Variants in SCARB1 observed in about 807,000 individuals in gnomAD.
SCARB1 encodes the protein scavenger receptor class B member 1.
SCARB1 carries 30 observed loss-of-function variants against 57.2 expected under a neutral mutation model. That is an observed-to-expected ratio of 0.52 (90% CI 0.39 to 0.71). The LOEUF is 0.71. SCARB1 is among the 30% of genes least tolerant of loss of function. The pLI is 0.00. For missense variants in SCARB1, 543 were observed against 671.2 expected (o/e 0.81, Z 2.11); for synonymous variants, 249 against 268.3 (o/e 0.93, Z 0.70).
chr12:124,822,887 GA>G lies in SCARB1; in HGVS notation c.127-5181del, dbSNP rs1428779760. Reference sequence around the variant, plus strand: ...TGGGCCACAAAGCAAGACCCTGTCTGAAAAAAACAACAGCAACACCACCACC... The same window carrying G: ...TGGGCCACAAAGCAAGACCCTGTCTGAAAAAACAACAGCAACACCACCACC... On this transcript the variant is annotated intron_variant, in intron 1 of 12. Coordinates refer to ENST00000261693, the MANE Select transcript of SCARB1 (RefSeq NM_005505.5). This position sits in a 1 kb window ranked among gnomAD's most constrained non-coding sequence, Gnocchi z 5.0. 6.6e-6 allele frequency among the ~76,000 whole-genome samples: 1 copy of G among 151,752 alleles called. No homozygotes were observed. Among genetic ancestry groups the G allele is most frequent in the Non-Finnish European group, 1.5e-5 (1 of 67,968 alleles).
chr12:124,793,726 G>A lies in SCARB1; in HGVS notation c.1202+1469C>T, dbSNP rs547762979. 3.6e-4 allele frequency among the ~76,000 whole-genome samples: 55 copies of A among 151,964 alleles called. No homozygotes were observed. In the South Asian group the frequency reaches 8.5e-3, roughly 24 times the overall value. The stretch of plus-strand genomic sequence containing the variant: ...AAAAAAAAAAAAAAGAATGGGGATG[G>A]GGGGCAGAGGCTGTGCAAGTCTGAC... On this transcript the variant is annotated intron_variant, in intron 9 of 12. Transcript: ENST00000261693.
intron 1 of SCARB1, among the ~76,000 whole-genome samples, chr12:124,856,053 C>A (rs768026619): frequency 6.6e-6 from 1 of 152,210 alleles, no homozygotes; most frequent in Admixed American, 6.5e-5. Context: ...CATCTCCCGG[C>A]GGAGGCACAG....
Position 124,810,665 on chromosome 12 carries a change from A to G in SCARB1, c.727-376T>C, listed in dbSNP as rs1271041669. Among the ~76,000 whole-genome samples, 4 of 152,212 alleles carry G rather than the reference A, an allele frequency of 2.6e-5. No homozygotes were observed. The highest frequency in any genetic ancestry group is 2.0e-4 in the Admixed American group (3 of 15,280). ...CACCTCCTGAAAACAATCGGCACAC[A>G]GGCAAACTACTTAAAATCATAATGG... On this transcript the variant is annotated intron_variant, in intron 5 of 12. Transcript: ENST00000261693. This position sits in a 1 kb window ranked among gnomAD's most constrained non-coding sequence, Gnocchi z 4.0.
At position 124,810,130 on chromosome 12, in the gene SCARB1, G is replaced by T; in HGVS notation, c.842+44C>A. 2 of 1,344,622 alleles carry T rather than the reference G, an allele frequency of 1.5e-6. No homozygotes were observed. Among genetic ancestry groups the T allele is most frequent in the South Asian group, 1.2e-5 (1 of 85,204 alleles). 83.3% of individuals were successfully genotyped at this position (1,344,622 alleles called of 1,614,324 possible). ...AGCCAACACCACAGAATTTGGCCAT[G>T]AGCTACCCAGGAAACCCAGGAGGCC... is the stretch of plus-strand genomic sequence containing the variant. On this transcript the variant is annotated intron_variant, in intron 6 of 12. Transcript: ENST00000261693. The surrounding 1 kb of genome is among the most constrained non-coding windows in gnomAD (Gnocchi z 4.0).
chr12:124,850,592 C>T (rs756761406), intron 1 of SCARB1, among the ~76,000 whole-genome samples: 1 of 152,120 alleles, frequency 6.6e-6, no homozygotes, highest in Non-Finnish European at 1.5e-5. Flanking sequence ...ATCGCTTGAA[C>T]CTGGGAGGCA....
At chr12:124,830,366 C>T (rs1293408416) in intron 1 of SCARB1, among the ~76,000 whole-genome samples, 1 of 152,172 alleles carries the variant, frequency 6.6e-6, no homozygotes, top group African/African-American at 2.4e-5. Context: ...AGCATGCACC[C>T]ACACAAAGAT....
chr12:124,787,472 G>A lies in SCARB1; in HGVS notation c.1203-15C>T. 1 of 1,612,000 alleles carries A rather than the reference G, an allele frequency of 6.2e-7. No individual in the cohort carries two copies. The highest frequency in any genetic ancestry group is 8.5e-7 in the Non-Finnish European group (1 of 1,178,886). ...TCCCAGTTTGTCTGGAAATAAGCAA[G>A]ACATAGCTGTGTGAAACAAAGTCTT... On this transcript the variant is annotated splice_polypyrimidine_tract_variant and intron_variant, in intron 9 of 12. Transcript: ENST00000261693.
chr12:124,863,759 CCG>C lies in SCARB1; in HGVS notation c.-41_-40del. ...GGGCCCACCCGCGGCTCGCAGGGCT[CCG>C]CGCCTGGCAGGAGACGGGGACGGCG... On this transcript the variant is annotated 5_prime_UTR_variant, in exon 1 of 13. Transcript: ENST00000261693. The C allele has an allele frequency of 7.1e-7, 1 of 1,408,742 alleles. No homozygotes were observed. Among genetic ancestry groups the C allele is most frequent in the Admixed American group, 3.3e-5 (1 of 30,312 alleles). 87.3% of individuals were successfully genotyped at this position (1,408,742 alleles called of 1,614,324 possible).
In SCARB1 at chr12:124,789,959, G is replaced by A. The variant is rs545528643; in HGVS notation, c.1203-2502C>T. On this transcript the variant is annotated intron_variant, in intron 9 of 12. Transcript: ENST00000261693. This position sits in a 1 kb window ranked among gnomAD's most constrained non-coding sequence, Gnocchi z 4.4. Reference sequence around the variant, plus strand: ...CAGGGAGTCAGAGGTTGCAGTGAGCGGAGATCATGCCATTGCACTCCAGCC... The same window carrying A: ...CAGGGAGTCAGAGGTTGCAGTGAGCAGAGATCATGCCATTGCACTCCAGCC... Among the ~76,000 whole-genome samples the A allele has an allele frequency of 6.6e-4, 96 of 146,256 alleles. No individual in the cohort carries two copies. The highest frequency in any genetic ancestry group is 2.5e-3 in the African/African-American group (94 of 38,020).
At chr12:124,791,333 C>T (rs1356431911) in intron 9 of SCARB1, among the ~76,000 whole-genome samples, 1 of 152,170 alleles carries the variant, frequency 6.6e-6, no homozygotes, top group Non-Finnish European at 1.5e-5. Context: ...CTGCGGTGGC[C>T]TTGGGACCCC....
intron 1 of SCARB1, 90 bp downstream of exon 1, chr12:124,863,504 GC>G: frequency 7.1e-7 from 1 of 1,408,782 alleles, no homozygotes; most frequent in Non-Finnish European, 9.7e-7. Context: ...CGCTGCGGTC[GC>G]CCACCCACCG....
intron 1 of SCARB1, among the ~76,000 whole-genome samples, chr12:124,851,630 G>A (rs1449211846): frequency 1.5e-5 from 2 of 129,234 alleles, no homozygotes; most frequent in Non-Finnish European, 3.2e-5. Context: ...TTTTTTTTGA[G>A]ATGGAGTCTC....
chr12:124,856,800 G>C (rs566380306), intron 1 of SCARB1, among the ~76,000 whole-genome samples: 2 of 152,220 alleles, frequency 1.3e-5, no homozygotes, highest in Non-Finnish European at 2.9e-5. Context: ...CTGCAGGATG[G>C]GTGGGAGTCC....
chr12:124,824,474 G>A (rs1051341190), intron 1 of SCARB1, among the ~76,000 whole-genome samples: 3 of 152,238 alleles, frequency 2.0e-5, no homozygotes, highest in Non-Finnish European at 2.9e-5. Context: ...CCTTGCGAAC[G>A]CACTAAATGC....
chr12:124,787,340 C>T, intron 10 of SCARB1, 66 bp downstream of exon 10: 3 of 1,489,932 alleles, frequency 2.0e-6, no homozygotes, highest in Non-Finnish European at 2.8e-6. Flanking sequence ...CCCCCCGCCT[C>T]CTGCCTCAAA....
intron 11 of SCARB1, chr12:124,785,759 T>G: frequency 2.8e-6 from 1 of 360,052 alleles, no homozygotes; most frequent in Non-Finnish European, 5.1e-6. Context: ...TTTGCATATA[T>G]TTGGGTTAAA....
intron 8 of SCARB1, among the ~76,000 whole-genome samples, chr12:124,798,581 G>A (rs1350720774): frequency 1.3e-5 from 2 of 152,150 alleles, no homozygotes; most frequent in African/African-American, 4.8e-5. Flanking sequence ...AGTGGCTCAC[G>A]CCTATAATCC....
Position 124,796,050 on chromosome 12 carries a change from T to C in SCARB1, c.1129-782A>G, listed in dbSNP as rs1377441523. On this transcript the variant is annotated intron_variant, in intron 8 of 12. Coordinates refer to ENST00000261693, the MANE Select transcript of SCARB1 (RefSeq NM_005505.5). This position sits in a 1 kb window ranked among gnomAD's most constrained non-coding sequence, Gnocchi z 4.0. ...GTGCAGGCAACCTCTGCCTCCTGAG[T>C]TCAAGCGATTGTCCTGCCTCAGCCT... 1.3e-5 allele frequency among the ~76,000 whole-genome samples: 2 copies of C among 152,212 alleles called. No individual in the cohort carries two copies. Among genetic ancestry groups the C allele is most frequent in the Non-Finnish European group, 2.9e-5 (2 of 68,042 alleles).
At chr12:124,852,958 G>C (rs1404456277) in intron 1 of SCARB1, among the ~76,000 whole-genome samples, 3 of 152,166 alleles carry the variant, frequency 2.0e-5, no homozygotes, top group Non-Finnish European at 2.9e-5. Context: ...AGAGTCGTTT[G>C]AACCGGGGAG....
Sources: allele counts gnomAD v4.1 joint callset (sites outside exome capture counted in the v4.1 genomes callset), GRCh38; gene constraint gnomAD v4.1.1; non-coding constraint Gnocchi (gnomAD v3.1); transcripts MANE v1.5; gene names NCBI Gene and HGNC (gene_info 2026-07-23, HGNC 2026-07-21).